Variants in TMEM135 observed in about 807,000 individuals in gnomAD.
TMEM135 encodes transmembrane protein 135.
TMEM135 carries 30 observed loss-of-function variants against 60.3 expected under a neutral mutation model. The ratio of observed to expected loss-of-function variants is 0.50; its 90% CI spans 0.37 to 0.68. TMEM135 has a LOEUF of 0.68. Ranked by LOEUF, TMEM135 falls within the 30% of genes least tolerant of loss-of-function variation. The pLI is 0.00. For synonymous variants in TMEM135, 190 were observed against 186.7 expected (o/e 1.02, Z -0.14); for missense variants, 468 against 548.8 (o/e 0.85, Z 1.47).
Position 87,236,703 on chromosome 11 carries a change from A to G in TMEM135, c.509+19A>G. On this transcript the variant is annotated intron_variant, in intron 6 of 14. Coordinates refer to ENST00000305494, the MANE Select transcript of TMEM135 (RefSeq NM_022918.4). Reference sequence around the variant, plus strand: ...TTTTCAGGTATGTTCTGTTATACTTATTTACTTTAATACCCCAAACAGTAT... The same window carrying G: ...TTTTCAGGTATGTTCTGTTATACTTGTTTACTTTAATACCCCAAACAGTAT... 1 of 1,604,196 alleles carries G rather than the reference A, an allele frequency of 6.2e-7. No individual in the cohort carries two copies. The highest frequency in any genetic ancestry group is 1.7e-4 in the Middle Eastern group (1 of 6,040).
chr11:87,113,932 CTCAA>C (rs746806381), intron 4 of TMEM135, among the ~76,000 whole-genome samples: 12 of 152,120 alleles, frequency 7.9e-5, no homozygotes, highest in South Asian at 6.2e-4. Context: ...ATAGGAAGAT[CTCAA>C]TCAGTGTTTG....
In TMEM135 at chr11:87,274,446, C is replaced by G. The variant is rs149921438; in HGVS notation, c.510-21336C>G. Among the ~76,000 whole-genome samples, 212 of 152,294 alleles carry G rather than the reference C, an allele frequency of 1.4e-3. 1 individual carries two copies. The highest frequency in any genetic ancestry group is 4.8e-3 in the African/African-American group (201 of 41,562). On this transcript the variant is annotated intron_variant, in intron 6 of 14. Coordinates refer to ENST00000305494, the MANE Select transcript of TMEM135 (RefSeq NM_022918.4). ...AGCTCCTTACTGCCCTATTCTCATA[C>G]ATGTCTTTCTTGCGTTCTACTAGTA...
In TMEM135 at chr11:87,326,213, A is replaced by G. The variant is rs934130542; in HGVS notation, c.*4880A>G. 38 of 453,620 alleles carry G rather than the reference A, an allele frequency of 8.4e-5. No individual in the cohort carries two copies. In the Admixed American group the frequency reaches 8.9e-4, roughly 11 times the overall value. The allele number at this position is 453,620 out of a possible 1,614,324, so 28.1% of individuals were successfully genotyped here. A position where few individuals can be genotyped will look rare whatever the true frequency, so the allele number is the denominator to read the frequency against. On this transcript the variant is annotated 3_prime_UTR_variant, in exon 15 of 15. Coordinates refer to ENST00000305494, the MANE Select transcript of TMEM135 (RefSeq NM_022918.4). Reference sequence around the variant, plus strand: ...TAATAGGATGTTCCCTGGTCTTGGCATAGAGGCCATAGGCATACAACATGC... The same window carrying G: ...TAATAGGATGTTCCCTGGTCTTGGCGTAGAGGCCATAGGCATACAACATGC...
chr11:87,271,197 A>G (rs924348364), intron 6 of TMEM135, among the ~76,000 whole-genome samples: 6 of 152,172 alleles, frequency 3.9e-5, no homozygotes, highest in African/African-American at 7.2e-5. Context: ...ACCACCAAAA[A>G]AATATCTGTA....
At chr11:87,039,716 G>GA (rs973880186) in intron 1 of TMEM135, among the ~76,000 whole-genome samples, 4 of 152,304 alleles carry the variant, frequency 2.6e-5, no homozygotes, top group African/African-American at 9.6e-5. Flanking sequence ...TACAACTATA[G>GA]AAAAGATTGT....
At chr11:87,314,897 A>G (rs1176711621) in intron 12 of TMEM135, among the ~76,000 whole-genome samples, 2 of 151,870 alleles carry the variant, frequency 1.3e-5, no homozygotes, top group African/African-American at 4.8e-5. Context: ...AAATTTCAGC[A>G]TAAAGACTCC....
chr11:87,261,111 A>G (rs560111215), intron 6 of TMEM135, among the ~76,000 whole-genome samples: 2 of 152,348 alleles, frequency 1.3e-5, no homozygotes, highest in African/African-American at 4.8e-5. Flanking sequence ...AGTAGAGTCA[A>G]GACGTTTTTC....
At chr11:87,178,878 G>A (rs116888620) in intron 5 of TMEM135, among the ~76,000 whole-genome samples, 2 of 151,942 alleles carry the variant, frequency 1.3e-5, no homozygotes, top group Non-Finnish European at 2.9e-5. Flanking sequence ...AAATTGGAGA[G>A]AAGTCTTTGG....
intron 4 of TMEM135, among the ~76,000 whole-genome samples, chr11:87,124,038 G>C (rs1937651190): frequency 6.6e-6 from 1 of 152,170 alleles, no homozygotes; most frequent in South Asian, 2.1e-4. Context: ...TTCTCTGTGT[G>C]TAATGACTTA....
intron 4 of TMEM135, among the ~76,000 whole-genome samples, chr11:87,143,482 T>C (rs1938323482): frequency 6.6e-6 from 1 of 152,084 alleles, no homozygotes; most frequent in African/African-American, 2.4e-5. Context: ...TTCCAATTGG[T>C]CCTCCAACCT....
chr11:87,228,299 C>T (rs189719144), intron 5 of TMEM135, among the ~76,000 whole-genome samples: 19 of 152,230 alleles, frequency 1.2e-4, no homozygotes, highest in African/African-American at 4.1e-4. Context: ...CTTGTCTTTT[C>T]TGTTTTATTC....
intron 3 of TMEM135, among the ~76,000 whole-genome samples, chr11:87,080,310 A>T (rs1468417932): frequency 1.3e-5 from 2 of 151,558 alleles, no homozygotes; most frequent in Non-Finnish European, 1.5e-5. Flanking sequence ...TGTGCAGTGT[A>T]TCTATACATG....
At chr11:87,170,499 G>T (rs570559599) in intron 5 of TMEM135, among the ~76,000 whole-genome samples, 2 of 152,146 alleles carry the variant, frequency 1.3e-5, no homozygotes, top group Non-Finnish European at 2.9e-5. Context: ...TGATGTTGTT[G>T]TTACTCCTTT....
At chr11:87,086,216 G>A (rs981207742) in intron 3 of TMEM135, among the ~76,000 whole-genome samples, 1 of 152,084 alleles carries the variant, frequency 6.6e-6, no homozygotes, top group Non-Finnish European at 1.5e-5. Flanking sequence ...ATAATCATTT[G>A]TTTAGTGCCT....
At chr11:87,113,743 G>GGTCA (rs397800921) in intron 4 of TMEM135, among the ~76,000 whole-genome samples, 2 of 151,664 alleles carry the variant, frequency 1.3e-5, no homozygotes, top group Non-Finnish European at 2.9e-5. Context: ...TCAGGACTTT[G>GGTCA]GTCACTAAGA....
intron 1 of TMEM135, among the ~76,000 whole-genome samples, chr11:87,060,454 A>G (rs933385360): frequency 1.3e-5 from 2 of 152,166 alleles, no homozygotes; most frequent in African/African-American, 4.8e-5. Flanking sequence ...GATCTTCTGT[A>G]GGAGCTAGTA....
At chr11:87,167,098 C>T (rs773421234) in intron 5 of TMEM135, among the ~76,000 whole-genome samples, 3 of 152,030 alleles carry the variant, frequency 2.0e-5, no homozygotes, top group Non-Finnish European at 4.4e-5. Flanking sequence ...CAAGATTTGG[C>T]GTTCTCTTTG....
intron 7 of TMEM135, among the ~76,000 whole-genome samples, chr11:87,296,667 G>A (rs946766616): frequency 5.3e-5 from 8 of 152,138 alleles, no homozygotes; most frequent in Non-Finnish European, 1.0e-4. Flanking sequence ...GTCAATATGT[G>A]AAAAATATTT....
Position 87,318,193 on chromosome 11 carries a change from T to C in TMEM135, c.1134T>C (p.Asp378=), listed in dbSNP as rs750574084. 1 of 1,612,744 alleles carries C rather than the reference T, an allele frequency of 6.2e-7. No individual in the cohort carries two copies. The highest frequency in any genetic ancestry group is 1.3e-5 in the African/African-American group (1 of 74,898). The change falls in exon 13 of 15, where the codon GAT becomes GAC. Residue 378 remains aspartate (D), a synonymous_variant. Transcript: ENST00000305494. ...AGGTTCCCTATTTTCCTCATGCAGA[T>C]ACTATCATCTATTCCATCTCTACAG... ...AGKVPYFPHA[D]TIIYSISTAI... is the part of the protein sequence containing the mutation.
Sources: gnomAD v4.1 joint callset for allele counts (sites outside exome capture counted in the v4.1 genomes callset) on GRCh38, gnomAD v4.1.1 for gene constraint, MANE v1.5 for transcripts, NCBI Gene and HGNC (gene_info 2026-07-23, HGNC 2026-07-21) for gene names.